The following COTL1 variants were observed in gnomAD, a reference collection of about 807,000 sequenced individuals.
COTL1 encodes the protein coactosin like F-actin binding protein 1.
COTL1 carries 15 observed loss-of-function variants against 16.5 expected under a neutral mutation model. That is an observed-to-expected ratio of 0.91 (90% CI 0.61 to 1.40). The LOEUF (loss-of-function observed/expected upper bound fraction) is 1.40, where lower values mean the gene tolerates loss of function less well. Ranked by LOEUF, COTL1 falls within the 40% of genes most tolerant of loss-of-function variation. The pLI is 0.00. For synonymous variants in COTL1, 112 were observed against 85.3 expected (o/e 1.31, Z -1.73); for missense variants, 220 against 201.5 (o/e 1.09, Z -0.56).
chr16:84,582,945 A>C (rs937695561), intron 3 of COTL1, among the ~76,000 whole-genome samples: 3 of 152,234 alleles, frequency 2.0e-5, no homozygotes, highest in Admixed American at 1.3e-4. Flanking sequence ...ACAGAGCAAA[A>C]AAGTTCACGT....
In COTL1 at chr16:84,590,235, C is replaced by T. The variant is rs755533045; in HGVS notation, c.188G>A (p.Arg63His). The T allele has an allele frequency of 2.2e-5, 36 of 1,613,916 alleles. No homozygotes were observed. The highest frequency in any genetic ancestry group is 6.7e-5 in the Admixed American group (4 of 59,982). ...GCTCATGGCATCCCCGGTGGTGAAG[C>T]GCACGAAGGCAAACAACCGGACGTC... Reference protein sequence around the residue: ...TDDVRLFAFVRFTTGDAMSKR... With the variant: ...TDDVRLFAFVHFTTGDAMSKR... The change falls in exon 3 of 4, where the codon CGC becomes CAC. Residue 63 changes from arginine (R) to histidine (H), a missense_variant. By Grantham distance (29) the Arg-to-His change is conservative. Transcript: ENST00000262428. The surrounding 1 kb of genome is among the most constrained non-coding windows in gnomAD (Gnocchi z 5.5).
chr16:84,597,697 G>C (rs1283079212), intron 2 of COTL1, among the ~76,000 whole-genome samples: 1 of 152,200 alleles, frequency 6.6e-6, no homozygotes, highest in Non-Finnish European at 1.5e-5. Flanking sequence ...CTCAAGGACA[G>C]AAAAGCTGAA....
intron 2 of COTL1, among the ~76,000 whole-genome samples, chr16:84,593,569 T>C (rs1200701828): frequency 1.3e-5 from 2 of 151,648 alleles, no homozygotes; most frequent in African/African-American, 4.9e-5. Context: ...TGGAGTGCAG[T>C]GGCGCGATCT....
intron 3 of COTL1, among the ~76,000 whole-genome samples, chr16:84,577,736 C>T (rs961939917): frequency 1.3e-5 from 2 of 152,158 alleles, no homozygotes; most frequent in African/African-American, 2.4e-5. Context: ...GGCTGTATTT[C>T]GGGTGGACAC....
intron 3 of COTL1, among the ~76,000 whole-genome samples, chr16:84,579,801 GT>G (rs1292382994): frequency 9.2e-5 from 14 of 152,206 alleles, no homozygotes; most frequent in Non-Finnish European, 1.8e-4. Flanking sequence ...GTATGCAGTG[GT>G]CCAGGGAAGA....
chr16:84,605,685 G>A (rs148358167), intron 2 of COTL1, among the ~76,000 whole-genome samples: 1 of 152,350 alleles, frequency 6.6e-6, no homozygotes, highest in African/African-American at 2.4e-5. Flanking sequence ...GGCAGTCTCT[G>A]GAAGCACAAG....
intron 2 of COTL1, among the ~76,000 whole-genome samples, chr16:84,609,791 T>C (rs970190864): frequency 7.2e-5 from 11 of 152,214 alleles, no homozygotes; most frequent in Non-Finnish European, 4.4e-5. Context: ...TGGCTCTCAG[T>C]CTGTCTCCTG....
chr16:84,600,747 T>C (rs1301547775), intron 2 of COTL1, among the ~76,000 whole-genome samples: 6 of 152,202 alleles, frequency 3.9e-5, no homozygotes, highest in Admixed American at 3.3e-4. Flanking sequence ...CCCCGATTCA[T>C]TGCATTTTCA....
At chr16:84,610,697 A>C (rs1417248622) in intron 2 of COTL1, among the ~76,000 whole-genome samples, 2 of 151,918 alleles carry the variant, frequency 1.3e-5, no homozygotes, top group Non-Finnish European at 2.9e-5. Context: ...AATGGAAGGG[A>C]GAGGTTCCCC....
Position 84,617,963 on chromosome 16 carries a change from C to G in COTL1, c.-49G>C. On this transcript the variant is annotated 5_prime_UTR_variant, in exon 1 of 4. Transcript: ENST00000262428. ...CTGTCCGGGGCGGCCGAGCGCGCCC[C>G]TGGCCGGCGGCGGGGATGGGAGCGC... 1 of 1,400,452 alleles carries G rather than the reference C, an allele frequency of 7.1e-7. No individual in the cohort carries two copies. Among genetic ancestry groups the G allele is most frequent in the Non-Finnish European group, 9.4e-7 (1 of 1,063,540 alleles). 86.8% of individuals were successfully genotyped at this position (1,400,452 alleles called of 1,614,324 possible).
chr16:84,574,935 G>A (rs963391872), intron 3 of COTL1, among the ~76,000 whole-genome samples: 1 of 152,214 alleles, frequency 6.6e-6, no homozygotes, highest in Non-Finnish European at 1.5e-5. Context: ...GAGGGTACGG[G>A]TTAGGTACAG....
chr16:84,617,503 G>C lies in COTL1; in HGVS notation c.158C>G (p.Thr53Arg). ...GCCCGGCAGGCGCGCCTCCCTACCT[G>C]TGCACTGCTGGATGAAGTGCTGGTA... ...AEYQHFIQQC[T>R]DDVRLFAFVR... Residue 53 changes from threonine (T) to arginine (R), a missense_variant and splice_region_variant, in exon 2 of 4, where the codon ACA becomes AGA. Physicochemically the swap from Thr to Arg is moderately conservative, Grantham distance 71 (BLOSUM62 -1). Transcript: ENST00000262428. 6.4e-7 allele frequency: 1 copy of C among 1,551,878 alleles called. No homozygotes were observed.
chr16:84,579,678 C>A (rs1169151146), intron 3 of COTL1, among the ~76,000 whole-genome samples: 1 of 152,152 alleles, frequency 6.6e-6, no homozygotes, highest in Non-Finnish European at 1.5e-5. Flanking sequence ...CAAACCACAG[C>A]GACTTAGAAT....
At chr16:84,617,178 G>T (rs984114655) in intron 2 of COTL1, among the ~76,000 whole-genome samples, 8 of 94,948 alleles carry the variant, frequency 8.4e-5, no homozygotes, top group African/African-American at 7.0e-4. Flanking sequence ...ACAGTGGGAA[G>T]AGCTGGATGG....
chr16:84,594,298 C>T (rs2150689652), intron 2 of COTL1: 1 of 152,458 alleles, frequency 6.6e-6, no homozygotes, highest in African/African-American at 2.4e-5. Context: ...GAACCTCCAA[C>T]CTAAAGCTCC....
At chr16:84,610,534 C>T (rs1383296564) in intron 2 of COTL1, among the ~76,000 whole-genome samples, 6 of 152,156 alleles carry the variant, frequency 3.9e-5, no homozygotes, top group Admixed American at 2.6e-4. Flanking sequence ...ACAACTCTGT[C>T]CAAAGTCTCA....
At chr16:84,579,878 C>T (rs1379224883) in intron 3 of COTL1, among the ~76,000 whole-genome samples, 1 of 152,222 alleles carries the variant, frequency 6.6e-6, no homozygotes. Flanking sequence ...AGTGAGCCTT[C>T]GGCCTTTCAT....
chr16:84,580,248 T>C (rs1440169953), intron 3 of COTL1, among the ~76,000 whole-genome samples: 2 of 152,160 alleles, frequency 1.3e-5, no homozygotes, highest in East Asian at 3.9e-4. Flanking sequence ...GAGACTGTTT[T>C]TCCCTCTAAG....
chr16:84,605,819 T>C (rs1275373407), intron 2 of COTL1, among the ~76,000 whole-genome samples: 1 of 152,244 alleles, frequency 6.6e-6, no homozygotes, highest in East Asian at 1.9e-4. Context: ...ATGATGCATT[T>C]ATGTTGTTTT....
Sources: gnomAD v4.1 joint callset for allele counts (sites outside exome capture counted in the v4.1 genomes callset) on GRCh38, gnomAD v4.1.1 for gene constraint, Gnocchi (gnomAD v3.1) non-coding constraint, MANE v1.5 for transcripts, NCBI Gene and HGNC (gene_info 2026-07-23, HGNC 2026-07-21) for gene names.